LHFPL6: variants seen among roughly 807,000 people sequenced by gnomAD.
LHFPL6 encodes the protein LHFPL tetraspan subfamily member 6.
In LHFPL6, 9 loss-of-function variants were observed where a neutral mutation model predicts 20.6. The observed-to-expected ratio is 0.44, with a 90% CI of 0.26 to 0.76. The LOEUF is 0.76. Ranked by LOEUF, LHFPL6 falls within the 30% of genes least tolerant of loss-of-function variation. The pLI is 0.20. For synonymous variants in LHFPL6, 105 were observed against 98.7 expected (o/e 1.06, Z -0.38); for missense variants, 218 against 253.5 (o/e 0.86, Z 0.95).
intron 2 of LHFPL6, among the ~76,000 whole-genome samples, chr13:39,591,163 A>G (rs1177556267): frequency 2.0e-5 from 3 of 152,224 alleles, no homozygotes; most frequent in Non-Finnish European, 4.4e-5. Flanking sequence ...TAAAAAGTAA[A>G]AAATAGTAAC....
At chr13:39,458,903 T>G (rs567012133) in intron 2 of LHFPL6, among the ~76,000 whole-genome samples, 1 of 152,170 alleles carries the variant, frequency 6.6e-6, no homozygotes, top group Non-Finnish European at 1.5e-5. Context: ...ACTTGAAGAA[T>G]TACTTTCCAG....
intron 2 of LHFPL6, among the ~76,000 whole-genome samples, chr13:39,545,946 T>A (rs966926847): frequency 6.6e-6 from 1 of 152,122 alleles, no homozygotes; most frequent in Non-Finnish European, 1.5e-5. Context: ...AACTGTATTA[T>A]TTTTATTGTT....
At position 39,594,360 on chromosome 13, in the gene LHFPL6, G is replaced by A. The variant is rs1214463407; in HGVS notation, c.385+6472C>T. Reference sequence around the variant, plus strand: ...ACATTTATGCAGCCAAAAAACACAAGGAAAAATGCTCACCATCACTGGCCA... The same window carrying A: ...ACATTTATGCAGCCAAAAAACACAAAGAAAAATGCTCACCATCACTGGCCA... On this transcript the variant is annotated intron_variant, in intron 2 of 3. Coordinates refer to ENST00000379589, the MANE Select transcript of LHFPL6 (RefSeq NM_005780.3). Among the ~76,000 whole-genome samples, 8 of 152,272 alleles carry A rather than the reference G, an allele frequency of 5.3e-5. No individual in the cohort carries two copies. The East Asian group carries it at 1.5e-3, about 29-fold the overall frequency.
chr13:39,412,180 C>T (rs1566105551), intron 2 of LHFPL6, among the ~76,000 whole-genome samples: 1 of 152,208 alleles, frequency 6.6e-6, no homozygotes, highest in Non-Finnish European at 1.5e-5. Flanking sequence ...CTAACTGAAT[C>T]AGGAGACTAT....
chr13:39,551,122 C>A (rs1422853420), intron 2 of LHFPL6, among the ~76,000 whole-genome samples: 1 of 152,154 alleles, frequency 6.6e-6, no homozygotes, highest in East Asian at 1.9e-4. Flanking sequence ...GTCCATAAAT[C>A]TTTGTCTTAG....
intron 3 of LHFPL6, among the ~76,000 whole-genome samples, chr13:39,362,968 A>C (rs1031811641): frequency 6.6e-6 from 1 of 152,226 alleles, no homozygotes; most frequent in Non-Finnish European, 1.5e-5. Context: ...ACATCGGGGC[A>C]CAGAGCCCAT....
At chr13:39,383,167 G>A (rs1870484805) in intron 2 of LHFPL6, among the ~76,000 whole-genome samples, 1 of 152,162 alleles carries the variant, frequency 6.6e-6, no homozygotes, top group Non-Finnish European at 1.5e-5. Context: ...GTGAAATCCA[G>A]TGACCTGCCC....
chr13:39,459,242 T>C (rs61945336), intron 2 of LHFPL6, among the ~76,000 whole-genome samples: 1 of 101,410 alleles, frequency 9.9e-6, no homozygotes, highest in East Asian at 2.2e-4. Context: ...GTGTGTGTGT[T>C]CGTGTGTATT....
chr13:39,446,493 A>G (rs916126022), intron 2 of LHFPL6, among the ~76,000 whole-genome samples: 1 of 152,172 alleles, frequency 6.6e-6, no homozygotes, highest in Non-Finnish European at 1.5e-5. Flanking sequence ...GAGTAAGCAG[A>G]GGCCCTAGGA....
intron 2 of LHFPL6, among the ~76,000 whole-genome samples, chr13:39,392,914 A>T (rs1870746278): frequency 6.6e-6 from 1 of 152,140 alleles, no homozygotes; most frequent in Non-Finnish European, 1.5e-5. Context: ...GATCAAAAAT[A>T]TTTTGAAAAA....
intron 2 of LHFPL6, among the ~76,000 whole-genome samples, chr13:39,560,924 A>G (rs1871458794): frequency 1.3e-5 from 2 of 152,062 alleles, no homozygotes; most frequent in African/African-American, 2.4e-5. Context: ...TGCTGACTGG[A>G]GTCTTAGGTC....
chr13:39,586,432 C>T (rs1462600364), intron 2 of LHFPL6, among the ~76,000 whole-genome samples: 2 of 152,054 alleles, frequency 1.3e-5, no homozygotes, highest in African/African-American at 4.8e-5. Flanking sequence ...ACCATGGTAA[C>T]GACAATATTT....
intron 2 of LHFPL6, among the ~76,000 whole-genome samples, chr13:39,430,439 T>A (rs1339699195): frequency 8.5e-5 from 13 of 152,206 alleles, no homozygotes; most frequent in Non-Finnish European, 5.9e-5. Context: ...CCATTCCTAC[T>A]TCCTTTACTC....
At chr13:39,401,002 G>A (rs1311376795) in intron 2 of LHFPL6, among the ~76,000 whole-genome samples, 1 of 151,984 alleles carries the variant, frequency 6.6e-6, no homozygotes, top group Non-Finnish European at 1.5e-5. Context: ...AAACCATAGA[G>A]CAAGCCATCC....
intron 2 of LHFPL6, among the ~76,000 whole-genome samples, chr13:39,378,862 CA>C (rs1456087930): frequency 6.6e-6 from 1 of 152,156 alleles, no homozygotes; most frequent in Non-Finnish European, 1.5e-5. Context: ...TCCATGCAAA[CA>C]AGTATTTCAA....
At chr13:39,459,741 G>A (rs1260302778) in intron 2 of LHFPL6, among the ~76,000 whole-genome samples, 1 of 152,128 alleles carries the variant, frequency 6.6e-6, no homozygotes, top group Non-Finnish European at 1.5e-5. Flanking sequence ...CAGCCTGAGG[G>A]TCCCGCAAAG....
At chr13:39,367,004 GT>G (rs1870030024) in intron 3 of LHFPL6, among the ~76,000 whole-genome samples, 1 of 152,240 alleles carries the variant, frequency 6.6e-6, no homozygotes, top group African/African-American at 2.4e-5. Context: ...TAGAGTGTCT[GT>G]GCTGACAAGT....
intron 3 of LHFPL6, among the ~76,000 whole-genome samples, chr13:39,348,907 C>G (rs1869484247): frequency 6.6e-6 from 1 of 152,144 alleles, no homozygotes; most frequent in Admixed American, 6.5e-5. Context: ...TGTCATAAAA[C>G]AGGTAGTTAA....
chr13:39,440,793 T>C (rs991019284), intron 2 of LHFPL6, among the ~76,000 whole-genome samples: 1 of 152,100 alleles, frequency 6.6e-6, no homozygotes, highest in African/African-American at 2.4e-5. Flanking sequence ...CCACGTGTCG[T>C]GGGAGGAACC....
Sources: allele counts gnomAD v4.1 joint callset (sites outside exome capture counted in the v4.1 genomes callset), GRCh38; gene constraint gnomAD v4.1.1; transcripts MANE v1.5; gene names NCBI Gene and HGNC (gene_info 2026-07-23, HGNC 2026-07-21).